The following BIRC6 variants were observed in gnomAD, a reference collection of about 807,000 sequenced individuals.
BIRC6 encodes baculoviral IAP repeat containing 6, also known as dual E2 ubiquitin-conjugating enzyme/E3 ubiquitin-protein ligase BIRC6.
BIRC6 carries 98 observed loss-of-function variants against 503.3 expected under a neutral mutation model. The ratio of observed to expected loss-of-function variants is 0.19; its 90% CI spans 0.17 to 0.23. The LOEUF (loss-of-function observed/expected upper bound fraction) is 0.23. Ranked by LOEUF, BIRC6 falls within the 10% of genes least tolerant of loss-of-function variation. The pLI is 1.00. For synonymous variants in BIRC6, 2,240 were observed against 2,078.7 expected, an observed-to-expected ratio of 1.08 and a Z score of -2.11; for missense variants, 5,360 against 5,806.0, an observed-to-expected ratio of 0.92 and a Z score of 2.50.
intron 22 of BIRC6, among the ~76,000 whole-genome samples, chr2:32,451,876 A>G (rs537502359): frequency 6.6e-6 from 1 of 152,324 alleles, no homozygotes; most frequent in East Asian, 1.9e-4. Context: ...GTAATTTTCC[A>G]ATACTGGATA....
chr2:32,373,927 T>C (rs1223459504), intron 1 of BIRC6, among the ~76,000 whole-genome samples: 1 of 152,214 alleles, frequency 6.6e-6, no homozygotes, highest in African/African-American at 2.4e-5. Context: ...GACATTATGC[T>C]AAGGGAAATA....
chr2:32,599,021 C>CA (rs35744882), intron 69 of BIRC6, among the ~76,000 whole-genome samples: 5,316 of 26,930 alleles, frequency 0.2, 766 homozygotes, highest in African/African-American at 0.23. Context: ...AACTCCATCT[C>CA]AAAAAAAAAA....
chr2:32,387,372 T>C (rs2038623682), intron 3 of BIRC6, among the ~76,000 whole-genome samples: 1 of 150,830 alleles, frequency 6.6e-6, no homozygotes, highest in South Asian at 2.1e-4. Flanking sequence ...ATTGTATAGA[T>C]AAATAATAAT....
chr2:32,397,918 C>T (rs1257970779), intron 6 of BIRC6, among the ~76,000 whole-genome samples: 1 of 152,032 alleles, frequency 6.6e-6, no homozygotes, highest in East Asian at 1.9e-4. Flanking sequence ...AGGGAGTCTA[C>T]CTCTTCTTTG....
At chr2:32,610,119 A>G (rs2062763572) in intron 72 of BIRC6, among the ~76,000 whole-genome samples, 1 of 152,182 alleles carries the variant, frequency 6.6e-6, no homozygotes, top group Non-Finnish European at 1.5e-5. Flanking sequence ...CAGAGGCTTC[A>G]AACCCAATAA....
chr2:32,455,236 C>G (rs542693503), intron 23 of BIRC6, among the ~76,000 whole-genome samples: 3 of 151,878 alleles, frequency 2.0e-5, no homozygotes, highest in Non-Finnish European at 4.4e-5. Flanking sequence ...AAAAAATTAG[C>G]TGGGCATGGT....
intron 50 of BIRC6, among the ~76,000 whole-genome samples, chr2:32,507,221 G>C (rs931142613): frequency 6.6e-6 from 1 of 152,146 alleles, no homozygotes; most frequent in African/African-American, 2.4e-5. Context: ...CTTGAGGACA[G>C]GAGTTCAAGA....
chr2:32,558,093 C>T (rs2058908471), intron 65 of BIRC6, among the ~76,000 whole-genome samples: 1 of 152,042 alleles, frequency 6.6e-6, no homozygotes. Flanking sequence ...TTTCAGTGTG[C>T]AGTCCTACTT....
At chr2:32,435,401 A>G (rs1406018366) in intron 13 of BIRC6, 95 bp from the exon 14 acceptor site, 13 of 1,307,346 alleles carry the variant, frequency 9.9e-6, no homozygotes, top group Non-Finnish European at 1.3e-5. Context: ...TTTCAGGCAC[A>G]TAAATCATTG....
intron 65 of BIRC6, chr2:32,564,675 C>T (rs2059413691): frequency 6.6e-6 from 1 of 152,208 alleles, no homozygotes; most frequent in Non-Finnish European, 1.5e-5. Context: ...ATTCTCTGCC[C>T]CATGAGTGGG....
At position 32,589,641 on chromosome 2, in the gene BIRC6, G is replaced by A. The variant is rs1301848385; in HGVS notation, c.13356-4274G>A. On this transcript the variant is annotated intron_variant, in intron 66 of 73. Transcript: ENST00000421745. ...TCTTTAAACATTCCTGTTTTTGATG[G>A]TGGTAAACAAGTTCAGTTGTTTGTC... 3.3e-5 allele frequency among the ~76,000 whole-genome samples: 5 copies of A among 152,254 alleles called. No individual in the cohort carries two copies. The East Asian group carries it at 5.8e-4, about 18-fold the overall frequency.
chr2:32,473,750 T>TGC (rs1558829206), intron 33 of BIRC6, among the ~76,000 whole-genome samples: 1 of 120,364 alleles, frequency 8.3e-6, no homozygotes, highest in African/African-American at 3.3e-5. Context: ...TGTGTGTGTG[T>TGC]ATTTTTTTTT....
chr2:32,455,420 A>G (rs1462176919), intron 23 of BIRC6, among the ~76,000 whole-genome samples: 2 of 149,818 alleles, frequency 1.3e-5, no homozygotes, highest in Non-Finnish European at 3.0e-5. Context: ...GCCTGGTTTG[A>G]GACAAGCCTG....
rs1342388444 is a variant in BIRC6 at position 32,512,630 on chromosome 2, C to T, written c.10347-303C>T. Among the ~76,000 whole-genome samples, 7 of 152,152 alleles carry T rather than the reference C, an allele frequency of 4.6e-5. No homozygotes were observed. The South Asian group carries it at 6.2e-4, about 14-fold the overall frequency. On this transcript the variant is annotated intron_variant, in intron 53 of 73. Coordinates refer to ENST00000421745, the MANE Select transcript of BIRC6 (RefSeq NM_016252.4). ...AATGCTAGGGTCCAGGGATGTGAAA[C>T]GTGCTGTATTTCATGAGACTTTGCA...
At position 32,449,632 on chromosome 2, in the gene BIRC6, TGA is replaced by T. The variant is rs553189178; in HGVS notation, c.4618+711_4618+712del. On this transcript the variant is annotated intron_variant, in intron 22 of 73. Coordinates refer to ENST00000421745, the MANE Select transcript of BIRC6 (RefSeq NM_016252.4). ...GTAATAACCAGATATAAGTAAATTT[TGA>T]GAGAGAAGTTCAATTTTGTTGAAAA... Among the ~76,000 whole-genome samples, 1,193 of 152,302 alleles carry T rather than the reference TGA, an allele frequency of 7.8e-3. 8 individuals carry two copies. Among genetic ancestry groups the T allele is most frequent in the Middle Eastern group, 0.02 (6 of 294 alleles).
Position 32,442,424 on chromosome 2 carries a change from A to G in BIRC6, c.4207A>G (p.Lys1403Glu). The change falls in exon 19 of 74, where the codon AAG (lysine) becomes GAG (glutamate). Residue 1403 changes from lysine (K) to glutamate (E), a missense_variant. This residue lies in a region of BIRC6 where 2,299 missense variants were observed against 2,267.2 expected (regional missense o/e 1.01). Coordinates refer to ENST00000421745, the MANE Select transcript of BIRC6 (RefSeq NM_016252.4). The part of the protein sequence containing the change: ...FFEAGRSIAH[K>E]CARFLALCIS... ...TGAGGCAGGACGAAGTATAGCCCATAAGTGTGCCCGATTTCTAGCCTTGTG... is the reference window on the plus strand; with the variant it reads ...TGAGGCAGGACGAAGTATAGCCCATGAGTGTGCCCGATTTCTAGCCTTGTG... 2 of 1,609,346 alleles carry G rather than the reference A, an allele frequency of 1.2e-6. No individual in the cohort carries two copies. Among genetic ancestry groups the G allele is most frequent in the African/African-American group, 2.7e-5 (2 of 74,996 alleles).
rs1158594094 is a variant in BIRC6, at chr2:32,599,861, T to C, written c.13953T>C (p.His4651=). The change falls in exon 70 of 74, where the codon CAT becomes CAC. Residue 4651 remains histidine, a synonymous_variant. Transcript: ENST00000421745. ...TGAATCTAGAGACAACTGGTGGTCATAGCGTGCGATTCAATCCAAACCTTT... is the reference window on the plus strand; with the variant it reads ...TGAATCTAGAGACAACTGGTGGTCACAGCGTGCGATTCAATCCAAACCTTT... ...PLVNLETTGG[H]SVRFNPNLYN... 5.0e-6 allele frequency: 8 copies of C among 1,613,842 alleles called. No homozygotes were observed. The highest frequency in any genetic ancestry group is 6.8e-6 in the Non-Finnish European group (8 of 1,179,874).
chr2:32,403,513 A>G (rs1055930815), intron 8 of BIRC6, among the ~76,000 whole-genome samples: 2 of 152,222 alleles, frequency 1.3e-5, no homozygotes, highest in African/African-American at 2.4e-5. Flanking sequence ...ATGCTAATAC[A>G]TTTAATTTTA....
intron 1 of BIRC6, among the ~76,000 whole-genome samples, chr2:32,375,188 G>T (rs1021180002): frequency 2.0e-5 from 3 of 152,062 alleles, no homozygotes; most frequent in Non-Finnish European, 4.4e-5. Flanking sequence ...ATCTACACGG[G>T]TAATCATTTC....
Sources: allele counts gnomAD v4.1 joint callset (sites outside exome capture counted in the v4.1 genomes callset), GRCh38; gene constraint gnomAD v4.1.1; regional missense constraint gnomAD v4.1.1; transcripts MANE v1.5; gene names NCBI Gene and HGNC (gene_info 2026-07-23, HGNC 2026-07-21).